Variants in TLL1 observed in about 807,000 individuals in gnomAD.
TLL1 encodes tolloid like 1.
In TLL1, 49 loss-of-function variants were observed where a neutral mutation model predicts 128.2. That is an observed-to-expected ratio of 0.38 (90% CI 0.30 to 0.48). The LOEUF (loss-of-function observed/expected upper bound fraction) is 0.48, where lower values mean the gene tolerates loss of function less well. Ranked by LOEUF, TLL1 falls within the 20% of genes least tolerant of loss-of-function variation. The pLI is 0.96. For missense variants in TLL1, 1,123 were observed against 1,242.0 expected (o/e 0.90, Z 1.44); for synonymous variants, 454 against 418.8 (o/e 1.08, Z -1.03).
intron 1 of TLL1, among the ~76,000 whole-genome samples, chr4:165,929,549 A>AC (rs1282083559): frequency 1.3e-5 from 2 of 152,018 alleles, no homozygotes; most frequent in African/African-American, 4.8e-5. Flanking sequence ...AAAAAAAAAA[A>AC]AAAGTAGATA....
At chr4:166,045,835 ATTAC>A (rs1323575181) in intron 12 of TLL1, among the ~76,000 whole-genome samples, 1 of 151,998 alleles carries the variant, frequency 6.6e-6, no homozygotes, top group Non-Finnish European at 1.5e-5. Flanking sequence ...TTACTCTCCT[ATTAC>A]TTTATTTGGA....
intron 1 of TLL1, among the ~76,000 whole-genome samples, chr4:165,878,200 T>G (rs1327389441): frequency 6.6e-6 from 1 of 152,238 alleles, no homozygotes; most frequent in Non-Finnish European, 1.5e-5. Context: ...TCGAATTTGA[T>G]GTTCTTTTCC....
intron 5 of TLL1, among the ~76,000 whole-genome samples, chr4:166,000,231 A>G (rs913528411): frequency 2.0e-5 from 3 of 152,240 alleles, no homozygotes; most frequent in African/African-American, 7.2e-5. Context: ...TAATATTTAG[A>G]CATTTTAAAA....
chr4:165,877,070 G>A (rs750020633), intron 1 of TLL1, among the ~76,000 whole-genome samples: 2 of 152,192 alleles, frequency 1.3e-5, no homozygotes, highest in African/African-American at 2.4e-5. Context: ...GATCAAACGT[G>A]TGTTACCCAA....
intron 13 of TLL1, among the ~76,000 whole-genome samples, chr4:166,056,322 A>C (rs2111112358): frequency 6.6e-6 from 1 of 152,110 alleles, no homozygotes. Flanking sequence ...TGTCTAACTC[A>C]CATGAGGTTA....
chr4:165,936,206 A>ATTTTTTTTTTTTTTTTTTT (rs199985086), intron 1 of TLL1, among the ~76,000 whole-genome samples: 4 of 139,592 alleles, frequency 2.9e-5, no homozygotes, highest in East Asian at 2.1e-4. Flanking sequence ...ATATATATAT[A>ATTTTTTTTTTTTTTTTTTT]TTTTTTTTTC....
In TLL1 at chr4:166,068,724, G is replaced by C. The variant is rs73863543; in HGVS notation, c.2188+2861G>C. On this transcript the variant is annotated intron_variant, in intron 16 of 20. Transcript: ENST00000061240. ...AGAAGAATTTCAAAATAATATGATAGTGACAGAAATTTGGAGCTACCTAAT... is the reference window on the plus strand; with the variant it reads ...AGAAGAATTTCAAAATAATATGATACTGACAGAAATTTGGAGCTACCTAAT... Among the ~76,000 whole-genome samples, 855 of 151,904 alleles carry C rather than the reference G, an allele frequency of 5.6e-3. 14 individuals are homozygous for C. Among genetic ancestry groups the C allele is most frequent in the African/African-American group, 0.019 (800 of 41,468 alleles).
At chr4:166,046,719 T>C (rs1245110365) in intron 12 of TLL1, among the ~76,000 whole-genome samples, 1 of 152,138 alleles carries the variant, frequency 6.6e-6, no homozygotes, top group African/African-American at 2.4e-5. Context: ...GGCTGTTGGG[T>C]AAGAGTTCAG....
chr4:165,949,430 C>A (rs1734404359), intron 1 of TLL1, among the ~76,000 whole-genome samples: 1 of 152,198 alleles, frequency 6.6e-6, no homozygotes, highest in African/African-American at 2.4e-5. Flanking sequence ...AGACTTCTGA[C>A]CAACAGAAAC....
intron 1 of TLL1, among the ~76,000 whole-genome samples, chr4:165,931,292 T>G (rs931269663): frequency 6.6e-6 from 1 of 152,206 alleles, no homozygotes; most frequent in Non-Finnish European, 1.5e-5. Flanking sequence ...AGGAATTTGA[T>G]AGTTTTCAGT....
chr4:166,029,664 C>T (rs1738667587), intron 9 of TLL1, among the ~76,000 whole-genome samples: 1 of 151,938 alleles, frequency 6.6e-6, no homozygotes, highest in Admixed American at 6.6e-5. Flanking sequence ...CCAACAAATC[C>T]CTTTTCCTTC....
Position 165,992,829 on chromosome 4 carries a change from A to G in TLL1, c.306A>G (p.Ser102=), listed in dbSNP as rs1736707840. Residue 102 remains serine (S), a synonymous_variant, in exon 3 of 21, where the codon TCA becomes TCG. Coordinates refer to ENST00000061240, the MANE Select transcript of TLL1 (RefSeq NM_012464.5). ...TTGGLGDHAM[S]KKRGALYQLI... is the part of the protein sequence containing the mutation. ...GTGGACTTGGAGACCATGCTATGTC[A>G]AAGAAGCGAGGGGCCCTCTACCAAC... 6.2e-7 allele frequency: 1 copy of G among 1,613,226 alleles called. No individual in the cohort carries two copies. The highest frequency in any genetic ancestry group is 1.3e-5 in the African/African-American group (1 of 74,894).
At chr4:166,047,048 T>A (rs1739487863) in intron 12 of TLL1, among the ~76,000 whole-genome samples, 1 of 152,218 alleles carries the variant, frequency 6.6e-6, no homozygotes, top group African/African-American at 2.4e-5. Context: ...TGAAAATGTA[T>A]AATCAAAATG....
chr4:165,922,411 T>C (rs1579490569), intron 1 of TLL1, among the ~76,000 whole-genome samples: 1 of 152,144 alleles, frequency 6.6e-6, no homozygotes, highest in Non-Finnish European at 1.5e-5. Flanking sequence ...AGGCAGAAAA[T>C]TGGGGTTGCT....
intron 9 of TLL1, among the ~76,000 whole-genome samples, chr4:166,035,311 G>A (rs772546803): frequency 2.0e-4 from 31 of 152,138 alleles, no homozygotes; most frequent in Non-Finnish European, 1.9e-4. Flanking sequence ...AGGAAATGGA[G>A]TAATACCTTA....
At position 166,066,803 on chromosome 4, in the gene TLL1, CCTT is replaced by C. The variant is rs1362271188; in HGVS notation, c.2188+944_2188+946del. Among the ~76,000 whole-genome samples the C allele has an allele frequency of 3.3e-5, 5 of 151,736 alleles. 1 individual carries two copies. The highest frequency in any genetic ancestry group is 1.2e-4 in the African/African-American group (5 of 41,476). ...GACCTCGGCTCCCGTGTTCTCATTC[CCTT>C]CTTTTTTCCCAGGTTAAATGACCTT... is the stretch of plus-strand genomic sequence containing the variant. On this transcript the variant is annotated intron_variant, in intron 16 of 20. Transcript: ENST00000061240.
chr4:166,022,423 G>A (rs553988558), intron 8 of TLL1, among the ~76,000 whole-genome samples: 2 of 152,154 alleles, frequency 1.3e-5, no homozygotes, highest in East Asian at 3.9e-4. Flanking sequence ...TATTCAGCCC[G>A]CCTTGGCCTC....
intron 10 of TLL1, among the ~76,000 whole-genome samples, chr4:166,041,426 G>A (rs986617132): frequency 2.0e-5 from 3 of 151,454 alleles, no homozygotes; most frequent in Admixed American, 2.0e-4. Context: ...TCAGCCTTCC[G>A]AGTAGCTGGG....
intron 16 of TLL1, among the ~76,000 whole-genome samples, chr4:166,073,975 T>C (rs554938799): frequency 1.1e-4 from 16 of 152,210 alleles, no homozygotes; most frequent in African/African-American, 3.9e-4. Context: ...CCATCATGAA[T>C]GTGTGTCAGG....
Sources: gnomAD v4.1 joint callset for allele counts (sites outside exome capture counted in the v4.1 genomes callset) on GRCh38, gnomAD v4.1.1 for gene constraint, MANE v1.5 for transcripts, NCBI Gene and HGNC (gene_info 2026-07-23, HGNC 2026-07-21) for gene names.